The following ICA1 variants were observed in gnomAD, a reference collection of about 807,000 sequenced individuals.
ICA1 encodes the protein 69 kDa islet cell autoantigen.
Under a neutral mutation model 71.0 loss-of-function variants are expected in ICA1, and 40 were observed. The observed-to-expected ratio is 0.56, with a 90% CI of 0.44 to 0.73. The LOEUF is 0.73. ICA1 is among the 30% of genes least tolerant of loss of function. ICA1 has a pLI of 0.00. For synonymous variants in ICA1, 207 were observed against 209.5 expected (o/e 0.99, Z 0.10); for missense variants, 578 against 576.5 (o/e 1.00, Z -0.03).
intron 13 of ICA1, among the ~76,000 whole-genome samples, chr7:8,125,933 G>A (rs947596415): frequency 5.3e-5 from 8 of 152,142 alleles, no homozygotes; most frequent in South Asian, 4.1e-4. Flanking sequence ...TGCCTTTCCC[G>A]TGTATATGGG....
chr7:8,255,038 T>C (rs1409459878), intron 1 of ICA1, among the ~76,000 whole-genome samples: 1 of 152,180 alleles, frequency 6.6e-6, no homozygotes. Flanking sequence ...TCCAGAATCA[T>C]GACCACAACC....
chr7:8,135,337 T>C (rs1209071526), intron 12 of ICA1, among the ~76,000 whole-genome samples: 1 of 152,068 alleles, frequency 6.6e-6, no homozygotes, highest in Non-Finnish European at 1.5e-5. Context: ...AGAATCTTTA[T>C]AGAAATCTTT....
At chr7:8,181,203 C>A (rs1562875180) in intron 6 of ICA1, among the ~76,000 whole-genome samples, 1 of 151,986 alleles carries the variant, frequency 6.6e-6, no homozygotes, top group East Asian at 1.9e-4. Context: ...TATAGATATC[C>A]AACTGATCCA....
intron 6 of ICA1, among the ~76,000 whole-genome samples, chr7:8,214,150 C>T (rs960916398): frequency 1.3e-5 from 2 of 152,184 alleles, no homozygotes; most frequent in Non-Finnish European, 2.9e-5. Context: ...TATTTTCTTA[C>T]ACCTAACACA....
In ICA1 at chr7:8,173,509, T is replaced by C. The variant is rs1170187441; in HGVS notation, c.580-14857A>G. On this transcript the variant is annotated intron_variant, in intron 6 of 13. Transcript: ENST00000402384. This position sits in a 1 kb window ranked among gnomAD's most constrained non-coding sequence, Gnocchi z 4.0. ...AGAGAATGCTAATGAACCAATTCAA[T>C]ATTTTGACAAAGAAAAAGAAACAAA... Among the ~76,000 whole-genome samples, 2 of 152,162 alleles carry C rather than the reference T, an allele frequency of 1.3e-5. No homozygotes were observed. Among genetic ancestry groups the C allele is most frequent in the Non-Finnish European group, 2.9e-5 (2 of 68,036 alleles).
chr7:8,206,612 G>C lies in ICA1; in HGVS notation c.579+11693C>G, dbSNP rs185077061. 4.8e-3 allele frequency among the ~76,000 whole-genome samples: 725 copies of C among 151,946 alleles called. 7 individuals carry two copies. Among genetic ancestry groups the C allele is most frequent in the African/African-American group, 0.017 (701 of 41,356 alleles). Reference sequence around the variant, plus strand: ...TTTGAGAGGCAGGAAAAGGCGTATGGTGAAACCTCAACCTCATTCTTAGCT... The same window carrying C: ...TTTGAGAGGCAGGAAAAGGCGTATGCTGAAACCTCAACCTCATTCTTAGCT... On this transcript the variant is annotated intron_variant, in intron 6 of 13. Coordinates refer to ENST00000402384, the MANE Select transcript of ICA1 (RefSeq NM_001136020.3).
rs529773511 is a variant in ICA1, at chr7:8,222,620, T to C, written c.257-1222A>G. Among the ~76,000 whole-genome samples the C allele has an allele frequency of 6.6e-6, 1 of 152,322 alleles. No homozygotes were observed. Among genetic ancestry groups the C allele is most frequent in the Admixed American group, 6.5e-5 (1 of 15,300 alleles). ...AACTCGATACTGCTACCTTATTAAT[T>C]TGTGACTATAGTTTCACCCTAAACA... is the stretch of plus-strand genomic sequence containing the variant. On this transcript the variant is annotated intron_variant, in intron 4 of 13. Transcript: ENST00000402384. The surrounding 1 kb of genome is among the most constrained non-coding windows in gnomAD (Gnocchi z 4.8).
intron 13 of ICA1, among the ~76,000 whole-genome samples, chr7:8,115,268 A>C (rs1209332475): frequency 6.6e-6 from 1 of 152,158 alleles, no homozygotes; most frequent in Non-Finnish European, 1.5e-5. Context: ...ATTGAATTCC[A>C]TGTGCAATTA....
intron 13 of ICA1, among the ~76,000 whole-genome samples, chr7:8,121,511 CTT>C (rs1440504447): frequency 1.3e-5 from 2 of 152,154 alleles, no homozygotes; most frequent in African/African-American, 4.8e-5. Context: ...GAAAGACAAA[CTT>C]TGCATGTTCT....
At chr7:8,204,826 A>G (rs571699903) in intron 6 of ICA1, among the ~76,000 whole-genome samples, 62 of 152,268 alleles carry the variant, frequency 4.1e-4, no homozygotes, top group South Asian at 1.2e-3. Flanking sequence ...ACTCTTTCCT[A>G]TTGTCATCTC....
chr7:8,222,532 T>C lies in ICA1; in HGVS notation c.257-1134A>G, dbSNP rs114361842. On this transcript the variant is annotated intron_variant, in intron 4 of 13. Coordinates refer to ENST00000402384, the MANE Select transcript of ICA1 (RefSeq NM_001136020.3). The surrounding 1 kb of genome is among the most constrained non-coding windows in gnomAD (Gnocchi z 4.8). ...TAAGAATGCACCCCCATTCCTGACATAATCTCACTAACAATAATTGTAGGA... is the reference window on the plus strand; with the variant it reads ...TAAGAATGCACCCCCATTCCTGACACAATCTCACTAACAATAATTGTAGGA... 9.8e-3 allele frequency among the ~76,000 whole-genome samples: 1,486 copies of C among 152,282 alleles called. 22 individuals carry two copies. The highest frequency in any genetic ancestry group is 0.032 in the African/African-American group (1,346 of 41,558).
intron 10 of ICA1, among the ~76,000 whole-genome samples, chr7:8,140,325 C>T (rs754308381): frequency 1.1e-4 from 17 of 152,214 alleles, no homozygotes; most frequent in Non-Finnish European, 1.8e-4. Flanking sequence ...CTCGCTCCCC[C>T]TCATGCTCTG....
At chr7:8,182,484 T>C (rs1402826740) in intron 6 of ICA1, among the ~76,000 whole-genome samples, 3 of 152,190 alleles carry the variant, frequency 2.0e-5, no homozygotes, top group African/African-American at 7.2e-5. Context: ...AGGACTCTTC[T>C]TCCCTGGAAA....
chr7:8,232,766 T>G lies in ICA1; in HGVS notation c.18-11A>C, dbSNP rs1563123468. 6.4e-7 allele frequency: 1 copy of G among 1,573,930 alleles called. No homozygotes were observed. The highest frequency in any genetic ancestry group is 1.2e-5 in the South Asian group (1 of 82,836). On this transcript the variant is annotated splice_polypyrimidine_tract_variant and intron_variant, in intron 2 of 13. Transcript: ENST00000402384. ...TCCCAGGGATAACTGCTAAAAACATTTAAAGAACTATTTTATTCACACCTT... is the reference window on the plus strand; with the variant it reads ...TCCCAGGGATAACTGCTAAAAACATGTAAAGAACTATTTTATTCACACCTT...
At chr7:8,140,098 A>C (rs1794705410) in intron 10 of ICA1, among the ~76,000 whole-genome samples, 1 of 152,220 alleles carries the variant, frequency 6.6e-6, no homozygotes, top group Admixed American at 6.5e-5. Flanking sequence ...TGAATATATA[A>C]TTTATATAGA....
intron 12 of ICA1, among the ~76,000 whole-genome samples, chr7:8,131,500 C>A (rs1229046789): frequency 6.6e-6 from 1 of 152,156 alleles, no homozygotes; most frequent in African/African-American, 2.4e-5. Flanking sequence ...CTGAGGTCTA[C>A]CAATGAATTT....
chr7:8,155,464 G>A (rs1248876103), intron 8 of ICA1, among the ~76,000 whole-genome samples: 6 of 152,180 alleles, frequency 3.9e-5, no homozygotes, highest in Non-Finnish European at 1.5e-5. Context: ...ACACATGTGG[G>A]TTCTTCCATG....
chr7:8,134,574 C>T (rs911761099), intron 12 of ICA1, among the ~76,000 whole-genome samples: 18 of 152,168 alleles, frequency 1.2e-4, no homozygotes, highest in African/African-American at 4.1e-4. Context: ...TATGACTAAT[C>T]GTAAAGGCCA....
chr7:8,135,600 G>A (rs1793134547), intron 12 of ICA1, among the ~76,000 whole-genome samples: 1 of 152,158 alleles, frequency 6.6e-6, no homozygotes, highest in Non-Finnish European at 1.5e-5. Context: ...GACTCAGGAG[G>A]AACTCAGAGG....
Sources: allele counts gnomAD v4.1 joint callset (sites outside exome capture counted in the v4.1 genomes callset), GRCh38; gene constraint gnomAD v4.1.1; non-coding constraint Gnocchi (gnomAD v3.1); transcripts MANE v1.5; gene names NCBI Gene and HGNC (gene_info 2026-07-23, HGNC 2026-07-21).